Variants in SND1 observed in about 807,000 individuals in gnomAD.
SND1 encodes the protein staphylococcal nuclease domain-containing protein 1.
A neutral mutation model predicts 121.7 loss-of-function variants in SND1; 38 were observed. The ratio of observed to expected loss-of-function variants is 0.31; its 90% confidence interval spans 0.24 to 0.41. SND1 has a LOEUF of 0.41. Ranked by LOEUF, SND1 falls within the 10% of genes least tolerant of loss-of-function variation. The pLI is 1.00. For synonymous variants in SND1, 401 were observed against 447.4 expected (o/e 0.90, Z 1.31); for missense variants, 868 against 1,184.6 (o/e 0.73, Z 3.92).
chr7:128,084,887 A>C, intron 19 of SND1, 40 bp downstream of exon 19: 11 of 1,567,248 alleles, frequency 7.0e-6, no homozygotes, highest in Non-Finnish European at 8.7e-6. Context: ...CTTGAGCAGG[A>C]ACGATAGCAG....
At chr7:127,976,130 G>A (rs938309974) in intron 15 of SND1, among the ~76,000 whole-genome samples, 1 of 152,206 alleles carries the variant, frequency 6.6e-6, no homozygotes, top group African/African-American at 2.4e-5. Flanking sequence ...GGCTGTCACA[G>A]GCACCAGGAA....
intron 14 of SND1, among the ~76,000 whole-genome samples, chr7:127,925,580 T>C (rs1053499178): frequency 6.6e-6 from 1 of 152,054 alleles, no homozygotes; most frequent in East Asian, 1.9e-4. Flanking sequence ...CTTAAATCTT[T>C]ATTTATATAT....
At chr7:127,905,650 G>A (rs1231710939) in intron 14 of SND1, among the ~76,000 whole-genome samples, 1 of 150,958 alleles carries the variant, frequency 6.6e-6, no homozygotes, top group African/African-American at 2.4e-5. Flanking sequence ...AGTGAGTGGT[G>A]TAAGTGCTGA....
intron 10 of SND1, among the ~76,000 whole-genome samples, chr7:127,729,994 G>T (rs6961381): frequency 0.33 from 49,782 of 151,962 alleles, 9,082 homozygotes; most frequent in Admixed American, 0.42. Flanking sequence ...ACGAAGTCTC[G>T]CTCTTGTTGC....
chr7:127,726,166 A>G (rs1796578295), intron 10 of SND1, among the ~76,000 whole-genome samples: 1 of 152,222 alleles, frequency 6.6e-6, no homozygotes, highest in Non-Finnish European at 1.5e-5. Context: ...AACTGTTTTC[A>G]TCCTAGGCTT....
intron 20 of SND1, chr7:128,086,655 A>G (rs1489075083): frequency 6.0e-6 from 3 of 500,572 alleles, no homozygotes; most frequent in African/African-American, 5.8e-5. Context: ...TGGAAAAGCG[A>G]TTAGAGTCCA....
At chr7:127,988,086 C>G (rs1802436022) in intron 15 of SND1, among the ~76,000 whole-genome samples, 1 of 152,180 alleles carries the variant, frequency 6.6e-6, no homozygotes, top group Admixed American at 6.5e-5. Context: ...CATTGGTTGT[C>G]TACAGGTGTT....
chr7:127,962,172 C>G (rs1801748022), intron 15 of SND1, among the ~76,000 whole-genome samples: 1 of 152,130 alleles, frequency 6.6e-6, no homozygotes. Context: ...TGTGTTCTCT[C>G]TCTGCTTGGA....
chr7:127,795,298 A>G (rs937448953), intron 10 of SND1, among the ~76,000 whole-genome samples: 2 of 152,106 alleles, frequency 1.3e-5, no homozygotes, highest in Non-Finnish European at 2.9e-5. Flanking sequence ...GAAGAGCTCT[A>G]TGATCTTTCA....
At chr7:127,723,735 T>TC (rs1306692444) in intron 10 of SND1, among the ~76,000 whole-genome samples, 4 of 152,208 alleles carry the variant, frequency 2.6e-5, no homozygotes, top group Admixed American at 2.6e-4. Context: ...GCCAGCGCTG[T>TC]CCAACAGATA....
At chr7:127,929,017 A>G (rs1441067431) in intron 14 of SND1, among the ~76,000 whole-genome samples, 171 bp from the exon 15 acceptor site, 1 of 152,220 alleles carries the variant, frequency 6.6e-6, no homozygotes, top group African/African-American at 2.4e-5. Flanking sequence ...GATTAACTAT[A>G]TTTCTTCTAC....
intron 10 of SND1, among the ~76,000 whole-genome samples, chr7:127,784,672 C>G (rs971216843): frequency 2.0e-5 from 3 of 152,154 alleles, no homozygotes; most frequent in Admixed American, 2.0e-4. Flanking sequence ...TATAAGCTCT[C>G]CCTTGTTCAC....
intron 16 of SND1, among the ~76,000 whole-genome samples, chr7:128,032,815 T>C (rs534455485): frequency 9.0e-4 from 137 of 152,128 alleles, no homozygotes; most frequent in Middle Eastern, 3.4e-3. Flanking sequence ...GCCTCACCCC[T>C]CCTGTGCTCT....
intron 11 of SND1, among the ~76,000 whole-genome samples, chr7:127,812,347 C>G (rs535615672): frequency 3.3e-5 from 5 of 152,276 alleles, no homozygotes; most frequent in Non-Finnish European, 5.9e-5. Flanking sequence ...GCCCTCTAGA[C>G]AGTATCTCAT....
chr7:127,826,390 A>G (rs1798643904), intron 11 of SND1, among the ~76,000 whole-genome samples: 2 of 152,092 alleles, frequency 1.3e-5, no homozygotes, highest in South Asian at 2.1e-4. Context: ...GCCATACTGT[A>G]TATTGGTATC....
intron 16 of SND1, chr7:127,997,538 A>G (rs932890303): frequency 2.0e-5 from 7 of 345,782 alleles, no homozygotes; most frequent in Non-Finnish European, 3.5e-5. Context: ...TACTTTTCCC[A>G]TTTGCTCATG....
intron 16 of SND1, among the ~76,000 whole-genome samples, chr7:128,006,031 A>G (rs1802965643): frequency 6.6e-6 from 1 of 152,198 alleles, no homozygotes; most frequent in African/African-American, 2.4e-5. Flanking sequence ...AAGGTTTGTC[A>G]TTCCCTTCAT....
At chr7:127,933,557 T>G (rs1356809705) in intron 15 of SND1, among the ~76,000 whole-genome samples, 1 of 152,210 alleles carries the variant, frequency 6.6e-6, no homozygotes, top group African/African-American at 2.4e-5. Context: ...TTATTTACCC[T>G]CTTCAAGCCT....
At chr7:127,998,001 C>A (rs778270860) in intron 16 of SND1, 1 of 529,598 alleles carries the variant, frequency 1.9e-6, no homozygotes, top group South Asian at 1.4e-5. Context: ...TACAAGGGAT[C>A]TATGACCCAA....
Sources: allele counts gnomAD v4.1 joint callset (sites outside exome capture counted in the v4.1 genomes callset), GRCh38; gene constraint gnomAD v4.1.1; transcripts MANE v1.5; gene names NCBI Gene and HGNC (gene_info 2026-07-23, HGNC 2026-07-21).